The following DIAPH3 variants were observed in gnomAD, a reference collection of about 807,000 sequenced individuals.
The protein encoded by DIAPH3 is diaphanous related formin 3.
DIAPH3 carries 117 observed loss-of-function variants against 144.3 expected under a neutral mutation model. The observed-to-expected ratio is 0.81, with a 90% confidence interval of 0.70 to 0.95. DIAPH3 has a LOEUF of 0.95. DIAPH3 is among the 40% of genes least tolerant of loss of function. The pLI is 0.00. For synonymous variants in DIAPH3, 519 were observed against 488.9 expected (o/e 1.06, Z -0.81); for missense variants, 1,421 against 1,412.7 (o/e 1.01, Z -0.09).
chr13:59,890,321 T>C (rs1378964807), intron 20 of DIAPH3, among the ~76,000 whole-genome samples: 1 of 152,088 alleles, frequency 6.6e-6, no homozygotes, highest in Non-Finnish European at 1.5e-5. Context: ...CTCAAATCTC[T>C]GTAATTTAAG....
At chr13:59,700,708 A>T (rs1262005675) in intron 27 of DIAPH3, among the ~76,000 whole-genome samples, 3 of 152,164 alleles carry the variant, frequency 2.0e-5, no homozygotes, top group Non-Finnish European at 4.4e-5. Flanking sequence ...TGGACTTCAT[A>T]TGGGAAAGAA....
intron 27 of DIAPH3, among the ~76,000 whole-genome samples, chr13:59,733,603 C>T (rs2035993432): frequency 6.6e-6 from 1 of 152,168 alleles, no homozygotes; most frequent in South Asian, 2.1e-4. Context: ...GTATTAAAGT[C>T]TTCTGTACCA....
Position 60,008,642 on chromosome 13 carries a change from C to T in DIAPH3, c.916G>A (p.Glu306Lys). Residue 306 changes from glutamate to lysine, a missense_variant, in exon 9 of 28, where the codon GAA (glutamate) becomes AAA (lysine). By Grantham distance (56) the Glu-to-Lys change is moderately conservative. Transcript: ENST00000400324. ...GCTGAAGTTAAAGCTTCTAAAACTT[C>T]TTCAAGGCTATTGGAAAATTTGAGT... is the stretch of plus-strand genomic sequence containing the variant. ...CIVGEESILE[E>K]VLEALTSAGE... 1.2e-6 allele frequency: 2 copies of T among 1,610,714 alleles called. No individual in the cohort carries two copies. Among genetic ancestry groups the T allele is most frequent in the Non-Finnish European group, 1.7e-6 (2 of 1,177,256 alleles).
At chr13:59,921,099 T>A (rs2047489169) in intron 18 of DIAPH3, among the ~76,000 whole-genome samples, 1 of 150,534 alleles carries the variant, frequency 6.6e-6, no homozygotes, top group Admixed American at 6.6e-5. Context: ...AAAGCAGATC[T>A]AAGTGAGAAG....
chr13:59,987,999 A>T (rs887860622), intron 12 of DIAPH3, among the ~76,000 whole-genome samples: 1 of 151,762 alleles, frequency 6.6e-6, no homozygotes, highest in Admixed American at 6.6e-5. Flanking sequence ...TAAATTCTAA[A>T]GTGTGGGTCC....
intron 3 of DIAPH3, among the ~76,000 whole-genome samples, chr13:60,095,486 G>A (rs2058080623): frequency 6.6e-6 from 1 of 152,052 alleles, no homozygotes; most frequent in African/African-American, 2.4e-5. Context: ...GGAAAGGGGT[G>A]GTAACTTCTG....
chr13:59,677,026 C>G (rs2032678599), intron 27 of DIAPH3, among the ~76,000 whole-genome samples: 1 of 152,016 alleles, frequency 6.6e-6, no homozygotes, highest in Non-Finnish European at 1.5e-5. Flanking sequence ...CTAATTGTGA[C>G]CTAACTTGAT....
chr13:60,111,866 CTCTT>C, intron 3 of DIAPH3, 140 bp downstream of exon 3: 5 of 788,960 alleles, frequency 6.3e-6, no homozygotes, highest in Non-Finnish European at 8.0e-6. Context: ...AATCCAAAAA[CTCTT>C]TGTGGCTGAA....
intron 27 of DIAPH3, among the ~76,000 whole-genome samples, chr13:59,721,943 T>A (rs2035365836): frequency 6.6e-6 from 1 of 152,224 alleles, no homozygotes; most frequent in Non-Finnish European, 1.5e-5. Flanking sequence ...AGAGTGGTAC[T>A]GGCTGCTTGT....
chr13:60,116,312 C>A (rs1449251665), intron 2 of DIAPH3, among the ~76,000 whole-genome samples: 1 of 151,970 alleles, frequency 6.6e-6, no homozygotes, highest in East Asian at 1.9e-4. Context: ...TATAACTCAC[C>A]ACCATAAGCG....
At chr13:59,987,192 G>A (rs1363412494) in intron 12 of DIAPH3, among the ~76,000 whole-genome samples, 5 of 151,784 alleles carry the variant, frequency 3.3e-5, no homozygotes, top group South Asian at 4.2e-4. Flanking sequence ...GGATGAAATT[G>A]GAAATCATCA....
At chr13:59,864,114 G>A (rs2043770377) in intron 21 of DIAPH3, among the ~76,000 whole-genome samples, 1 of 151,982 alleles carries the variant, frequency 6.6e-6, no homozygotes, top group Admixed American at 6.6e-5. Context: ...CTGTGTGTTT[G>A]GGTCAGTTGG....
At chr13:59,815,781 T>A (rs1408925338) in intron 24 of DIAPH3, among the ~76,000 whole-genome samples, 1 of 152,096 alleles carries the variant, frequency 6.6e-6, no homozygotes, top group Admixed American at 6.6e-5. Flanking sequence ...TTATATATGC[T>A]ACTGATAATT....
At chr13:59,924,522 T>C (rs976438883) in intron 18 of DIAPH3, among the ~76,000 whole-genome samples, 3 of 151,518 alleles carry the variant, frequency 2.0e-5, no homozygotes, top group Admixed American at 6.6e-5. Context: ...AAAGAGTAGC[T>C]GTTTTTTTTT....
At chr13:59,896,239 G>T (rs940653585) in intron 20 of DIAPH3, among the ~76,000 whole-genome samples, 1 of 152,058 alleles carries the variant, frequency 6.6e-6, no homozygotes, top group Non-Finnish European at 1.5e-5. Flanking sequence ...TCATATACAT[G>T]TATATAAACA....
intron 17 of DIAPH3, among the ~76,000 whole-genome samples, chr13:59,964,641 G>A (rs760887059): frequency 3.3e-5 from 5 of 151,878 alleles, no homozygotes; most frequent in Non-Finnish European, 7.4e-5. Context: ...TTCCCATTTC[G>A]CTAAAGCTTT....
chr13:60,079,316 G>T (rs554104075), intron 4 of DIAPH3, among the ~76,000 whole-genome samples: 2 of 151,984 alleles, frequency 1.3e-5, no homozygotes, highest in East Asian at 3.9e-4. Flanking sequence ...CATACTGAAG[G>T]CTACACATCT....
intron 1 of DIAPH3, among the ~76,000 whole-genome samples, chr13:60,136,860 A>C (rs996661839): frequency 6.6e-6 from 1 of 152,142 alleles, no homozygotes; most frequent in Non-Finnish European, 1.5e-5. Context: ...GAATGGCGTG[A>C]ACCCGGGAGG....
At chr13:60,162,190 AC>A (rs1457660819) in intron 1 of DIAPH3, among the ~76,000 whole-genome samples, 1 of 152,248 alleles carries the variant, frequency 6.6e-6, no homozygotes, top group Non-Finnish European at 1.5e-5. Context: ...AGAATGAAAA[AC>A]AGCACAGAGA....
Sources: allele counts gnomAD v4.1 joint callset (sites outside exome capture counted in the v4.1 genomes callset), GRCh38; gene constraint gnomAD v4.1.1; transcripts MANE v1.5; gene names NCBI Gene and HGNC (gene_info 2026-07-23, HGNC 2026-07-21).